PREX1: variants seen among roughly 807,000 people sequenced by gnomAD.
PREX1 encodes phosphatidylinositol-3,4,5-trisphosphate dependent Rac exchange factor 1.
In PREX1, 41 loss-of-function variants were observed where a neutral mutation model predicts 198.3. That is an observed-to-expected ratio of 0.21 (90% CI 0.16 to 0.27). PREX1 has a LOEUF of 0.27. PREX1 is among the 10% of genes least tolerant of loss of function. PREX1 has a pLI of 1.00. For synonymous variants in PREX1, 843 were observed against 887.2 expected, an observed-to-expected ratio of 0.95 and a Z score of 0.89; for missense variants, 1,620 against 2,200.7, an observed-to-expected ratio of 0.74 and a Z score of 5.28.
the PREX1 span, among the ~76,000 whole-genome samples, chr20:48,856,737 T>A: frequency 2.0e-5 from 3 of 152,200 alleles, no homozygotes; most frequent in Non-Finnish European, 4.4e-5. Context: ...CAAAACAAAT[T>A]AAATGTGTTA....
intron 1 of PREX1, among the ~76,000 whole-genome samples, chr20:48,786,845 G>GAA (rs879786079): frequency 2.7e-4 from 40 of 150,538 alleles, no homozygotes; most frequent in Non-Finnish European, 4.1e-4. Flanking sequence ...GAAAGAAAAA[G>GAA]AGAGAGAGAA....
At chr20:48,765,803 A>G (rs1190026437) in intron 1 of PREX1, among the ~76,000 whole-genome samples, 2 of 152,182 alleles carry the variant, frequency 1.3e-5, no homozygotes, top group South Asian at 2.1e-4. Flanking sequence ...AGCGTCCCCA[A>G]TCCCTGGGCC....
At chr20:48,663,396 G>T (rs964168684) in intron 15 of PREX1, among the ~76,000 whole-genome samples, 2 of 152,308 alleles carry the variant, frequency 1.3e-5, no homozygotes, top group Middle Eastern at 3.4e-3. Flanking sequence ...GTGTGGTGGC[G>T]CATGCCTGTA....
chr20:48,750,862 G>A (rs1355529530), intron 1 of PREX1, among the ~76,000 whole-genome samples: 1 of 152,206 alleles, frequency 6.6e-6, no homozygotes, highest in Non-Finnish European at 1.5e-5. Context: ...TTGGAAACTG[G>A]TGAGTCTGAG....
intron 1 of PREX1, among the ~76,000 whole-genome samples, chr20:48,779,167 T>A (rs1248971827): frequency 6.6e-6 from 1 of 152,234 alleles, no homozygotes; most frequent in African/African-American, 2.4e-5. Context: ...CAAGCCAAAA[T>A]TTTTAATGGA....
chr20:48,812,104 A>T lies in PREX1; in HGVS notation c.219+15538T>A, dbSNP rs374751119. Reference sequence around the variant, plus strand: ...CTAGTGCTAATAATTTCTTTGGGCTAATAAGGACCAAAGGGTCCTAAACCC... The same window carrying T: ...CTAGTGCTAATAATTTCTTTGGGCTTATAAGGACCAAAGGGTCCTAAACCC... On this transcript the variant is annotated intron_variant, in intron 1 of 39. Coordinates refer to ENST00000371941, the MANE Select transcript of PREX1 (RefSeq NM_020820.4). 9.2e-5 allele frequency among the ~76,000 whole-genome samples: 14 copies of T among 152,220 alleles called. No homozygotes were observed. The East Asian group carries it at 2.7e-3, about 29-fold the overall frequency.
intron 1 of PREX1, among the ~76,000 whole-genome samples, chr20:48,811,478 C>A (rs1297752488): frequency 7.2e-5 from 11 of 151,982 alleles, no homozygotes; most frequent in African/African-American, 2.7e-4. Context: ...TGTACAAGGC[C>A]TGGCCCACAG....
intron 33 of PREX1, among the ~76,000 whole-genome samples, chr20:48,633,652 G>A (rs2089333355): frequency 6.6e-6 from 1 of 152,136 alleles, no homozygotes; most frequent in African/African-American, 2.4e-5. Context: ...GCCCCCAGGT[G>A]CTGCTGGTCC....
At chr20:48,668,317 G>A (rs1475523730) in intron 14 of PREX1, among the ~76,000 whole-genome samples, 1 of 152,210 alleles carries the variant, frequency 6.6e-6, no homozygotes, top group African/African-American at 2.4e-5. Flanking sequence ...TGGGGGCCAG[G>A]AGCCGGCACT....
At chr20:48,649,904 C>T in intron 24 of PREX1, 92 bp downstream of exon 24, 1 of 1,444,828 alleles carries the variant, frequency 6.9e-7, no homozygotes, top group Non-Finnish European at 9.6e-7. Flanking sequence ...GCCGCCATTC[C>T]AGCCCTGGAC....
the PREX1 span, among the ~76,000 whole-genome samples, chr20:48,838,443 A>G: frequency 6.6e-6 from 1 of 152,250 alleles, no homozygotes; most frequent in Non-Finnish European, 1.5e-5. Flanking sequence ...AAAGATGTGC[A>G]TTGCAGCATC....
In PREX1 at chr20:48,680,004, C is replaced by T. The variant is rs1353912997; in HGVS notation, c.1436-250G>A. 2.6e-5 allele frequency among the ~76,000 whole-genome samples: 4 copies of T among 152,150 alleles called. No individual in the cohort carries two copies. The East Asian group carries it at 5.8e-4, about 22-fold the overall frequency. On this transcript the variant is annotated intron_variant, in intron 11 of 39. Coordinates refer to ENST00000371941, the MANE Select transcript of PREX1 (RefSeq NM_020820.4). Reference sequence around the variant, plus strand: ...CTACGTGCAGGACCCTGCTGAGACTCGCAGCTTGGGGTGGGGCATCTACAG... The same window carrying T: ...CTACGTGCAGGACCCTGCTGAGACTTGCAGCTTGGGGTGGGGCATCTACAG...
chr20:48,878,548 C>A, the PREX1 span, among the ~76,000 whole-genome samples: 1 of 152,152 alleles, frequency 6.6e-6, no homozygotes, highest in South Asian at 2.1e-4. Context: ...CTGTGTTAGC[C>A]AGGATGGTCT....
rs1056047651 is a variant in PREX1, at chr20:48,640,947, C to T, written c.3776-1053G>A. ...GTAGTTGGGTGGAGGGGTGGATGGACGGATGGATTGATGGGTGCATGGGTG... is the reference window on the plus strand; with the variant it reads ...GTAGTTGGGTGGAGGGGTGGATGGATGGATGGATTGATGGGTGCATGGGTG... On this transcript the variant is annotated intron_variant, in intron 29 of 39. Coordinates refer to ENST00000371941, the MANE Select transcript of PREX1 (RefSeq NM_020820.4). Among the ~76,000 whole-genome samples the T allele has an allele frequency of 5.3e-5, 8 of 150,398 alleles. No individual in the cohort carries two copies. In the East Asian group the frequency reaches 1.4e-3, roughly 26 times the overall value.
chr20:48,879,065 C>T, the PREX1 span, among the ~76,000 whole-genome samples: 1 of 152,052 alleles, frequency 6.6e-6, no homozygotes, highest in Admixed American at 6.6e-5. Flanking sequence ...TGCCTGAATC[C>T]CACTAGACTT....
intron 1 of PREX1, among the ~76,000 whole-genome samples, chr20:48,767,287 G>C (rs1466682835): frequency 6.6e-6 from 1 of 152,156 alleles, no homozygotes; most frequent in African/African-American, 2.4e-5. Context: ...TTCTGCAAGG[G>C]AGTCTTTCAA....
Position 48,757,696 on chromosome 20 carries a change from A to G in PREX1, c.220-9816T>C, listed in dbSNP as rs149658596. Among the ~76,000 whole-genome samples, 33 of 152,278 alleles carry G rather than the reference A, an allele frequency of 2.2e-4. 1 individual carries two copies. The highest frequency in any genetic ancestry group is 5.8e-4 in the African/African-American group (24 of 41,556). On this transcript the variant is annotated intron_variant, in intron 1 of 39. Coordinates refer to ENST00000371941, the MANE Select transcript of PREX1 (RefSeq NM_020820.4). ...CAGCCAGGATCACAGGAGGTGCCCA[A>G]TAAGTCCTCAGTAAATGTCCAGTGA...
chr20:48,630,236 G>A (rs1057300773), intron 36 of PREX1, among the ~76,000 whole-genome samples: 5 of 152,202 alleles, frequency 3.3e-5, no homozygotes, highest in African/African-American at 1.2e-4. Flanking sequence ...AGGAGCCCAA[G>A]GAGCCGAACT....
At chr20:48,766,934 C>T (rs562315701) in intron 1 of PREX1, among the ~76,000 whole-genome samples, 2 of 152,280 alleles carry the variant, frequency 1.3e-5, no homozygotes, top group South Asian at 2.1e-4. Flanking sequence ...ATGAGGACTA[C>T]GAGAAATGCT....
Sources: allele counts gnomAD v4.1 joint callset (sites outside exome capture counted in the v4.1 genomes callset), GRCh38; gene constraint gnomAD v4.1.1; transcripts MANE v1.5; gene names NCBI Gene and HGNC (gene_info 2026-07-23, HGNC 2026-07-21).